FCSK: variants seen among roughly 807,000 people sequenced by gnomAD.
FCSK encodes the protein L-fucose kinase.
FCSK carries 123 observed loss-of-function variants against 122.5 expected under a neutral mutation model. The observed-to-expected ratio is 1.00, with a 90% confidence interval of 0.87 to 1.17. The LOEUF is 1.17. Among genes scored for constraint, FCSK ranks in the 50% most tolerant of loss-of-function variants. The probability of loss-of-function intolerance (pLI) is 0.00; values close to 1 mark genes in which losing one functional copy is unlikely to be tolerated. For synonymous variants in FCSK, 620 were observed against 625.5 expected, an observed-to-expected ratio of 0.99 and a Z score of 0.13; for missense variants, 1,366 against 1,450.4, an observed-to-expected ratio of 0.94 and a Z score of 0.95.
At chr16:70,454,771 C>T (rs533000917) in intron 1 of FCSK, 141 bp downstream of exon 1, 2 of 152,288 alleles carry the variant, frequency 1.3e-5, no homozygotes, top group African/African-American at 2.4e-5. Flanking sequence ...AGGGAAGAGT[C>T]CCCGGGAGCT....
Position 70,479,261 on chromosome 16 carries a change from CTG to C in FCSK, c.3014_3015del (p.Val1005AlafsTer57). The stretch of plus-strand genomic sequence containing the variant: ...ATGGCTCCAGGCTGTGAGCCCCTGA[CTG>C]TGCGGCGTATGATGGATGTCCTGGC... On this transcript the variant is annotated frameshift_variant, in exon 23 of 24. Transcript: ENST00000288078. LOFTEE classifies it high-confidence loss of function. 6.2e-7 allele frequency: 1 copy of C among 1,613,974 alleles called. No homozygotes were observed.
At position 70,479,924 on chromosome 16, in the gene FCSK, C is replaced by A; in HGVS notation, c.*244C>A. On this transcript the variant is annotated 3_prime_UTR_variant, in exon 24 of 24. Transcript: ENST00000288078. ...ATAGGAAGGTCCCAAGCTTAGTATC[C>A]CACGTGGCCTTTACAAATCCTATGG... The A allele has an allele frequency of 2.5e-6, 1 of 402,032 alleles. No individual in the cohort carries two copies. Among genetic ancestry groups the A allele is most frequent in the Non-Finnish European group, 4.5e-6 (1 of 222,270 alleles). 24.9% of individuals were successfully genotyped at this position (402,032 alleles called of 1,614,324 possible). A position where few individuals can be genotyped will look rare whatever the true frequency, so the allele number is the denominator to read the frequency against.
intron 10 of FCSK, 44 bp from the exon 11 acceptor site, chr16:70,470,270 T>A (rs1462916931): frequency 7.3e-7 from 1 of 1,366,068 alleles, no homozygotes; most frequent in East Asian, 2.3e-5. Flanking sequence ...GGCCCCTGAG[T>A]CGCAGCAGGC....
At chr16:70,464,947 C>G (rs1003035447) in intron 3 of FCSK, 179 bp from the exon 4 acceptor site, 2 of 1,391,590 alleles carry the variant, frequency 1.4e-6, no homozygotes, top group East Asian at 2.5e-5. Flanking sequence ...CCTGGGATCC[C>G]TTATCCAGGA....
chr16:70,478,851 A>G (rs1384150436), intron 22 of FCSK: 1 of 702,014 alleles, frequency 1.4e-6, no homozygotes, highest in East Asian at 2.7e-5. Flanking sequence ...ATCATGGGAA[A>G]GGCCCTCCAG....
At chr16:70,471,473 A>T in intron 13 of FCSK, 121 bp downstream of exon 13, 2 of 1,038,682 alleles carry the variant, frequency 1.9e-6, no homozygotes, top group South Asian at 1.6e-5. Context: ...GGCTGTGAGG[A>T]GGGTCGGATG....
At position 70,473,383 on chromosome 16, in the gene FCSK, A is replaced by G. The variant is rs919151083; in HGVS notation, c.1777+30A>G. The G allele has an allele frequency of 6.8e-7, 1 of 1,466,132 alleles. No individual in the cohort carries two copies. The highest frequency in any genetic ancestry group is 2.5e-5 in the East Asian group (1 of 39,598). The allele number at this position is 1,466,132 out of a possible 1,614,324, so 90.8% of individuals were successfully genotyped here. ...GTGTGCAGGCTGGTAGTGCTGCAGA[A>G]TCAGGCCAGGGGCACCTGCCCTCCC... On this transcript the variant is annotated intron_variant, in intron 15 of 23. Transcript: ENST00000288078. The surrounding 1 kb of genome is among the most constrained non-coding windows in gnomAD (Gnocchi z 4.9).
At position 70,469,243 on chromosome 16, in the gene FCSK, G is replaced by A. The variant is rs1271330141; in HGVS notation, c.875G>A (p.Gly292Asp). The change falls in exon 10 of 24, where the codon GGC (glycine) becomes GAC (aspartate). Residue 292 changes from glycine (G) to aspartate (D), a missense_variant. Gly to Asp is a moderately conservative substitution (Grantham distance 94). Transcript: ENST00000288078. ...LVGRPPELGQ[G>D]DADVAGYLQS... is the part of the protein sequence containing the mutation. Reference sequence around the variant, plus strand: ...GGGAGGCCCCCAGAGTTGGGGCAAGGCGATGCAGATGTAGCGGGTTATCTG... The same window carrying A: ...GGGAGGCCCCCAGAGTTGGGGCAAGACGATGCAGATGTAGCGGGTTATCTG... 6.2e-7 allele frequency: 1 copy of A among 1,613,982 alleles called. No individual in the cohort carries two copies. Among genetic ancestry groups the A allele is most frequent in the Non-Finnish European group, 8.5e-7 (1 of 1,180,028 alleles).
rs763316882 is a variant in FCSK, at chr16:70,474,183, C to T, written c.1832C>T (p.Ala611Val). Residue 611 changes from alanine (A) to valine (V), a missense_variant, in exon 16 of 24, where the codon GCG becomes GTG. By Grantham distance (64) the Ala-to-Val change is moderately conservative. Transcript: ENST00000288078. ...GCGGCACGGGCACTGGCCTGTGTGG[C>T]GGACGTCCTGGGCTGCATGGCAGAG... Reference protein sequence around the residue: ...GVAARALACVADVLGCMAEGR... With the variant: ...GVAARALACVVDVLGCMAEGR... 84 of 1,564,240 alleles carry T rather than the reference C, an allele frequency of 5.4e-5. No homozygotes were observed. The highest frequency in any genetic ancestry group is 4.2e-4 in the South Asian group (36 of 85,564).
At chr16:70,459,198 G>A (rs2048184905) in intron 1 of FCSK, among the ~76,000 whole-genome samples, 1 of 150,416 alleles carries the variant, frequency 6.6e-6, no homozygotes, top group Admixed American at 6.6e-5. Context: ...ACTCCAGTCT[G>A]GGTGACAGAT....
chr16:70,468,471 GA>G (rs1567700820), intron 8 of FCSK, among the ~76,000 whole-genome samples: 1 of 152,046 alleles, frequency 6.6e-6, no homozygotes, highest in Non-Finnish European at 1.5e-5. Context: ...AAACTCAAAC[GA>G]AAAAAGAAAG....
chr16:70,470,048 T>C (rs1023442934), intron 10 of FCSK, among the ~76,000 whole-genome samples: 3 of 151,894 alleles, frequency 2.0e-5, no homozygotes, highest in African/African-American at 7.3e-5. Context: ...TTTCACCATG[T>C]TGGTCAGGCT....
At chr16:70,456,887 G>T (rs2048107524) in intron 1 of FCSK, among the ~76,000 whole-genome samples, 1 of 152,104 alleles carries the variant, frequency 6.6e-6, no homozygotes, top group Non-Finnish European at 1.5e-5. Context: ...AGGCATGGTG[G>T]TGCGCGCCTG....
rs773568960 is a variant in FCSK at position 70,466,256 on chromosome 16, G to A, written c.410G>A (p.Arg137Gln). The A allele has an allele frequency of 9.3e-6, 15 of 1,613,806 alleles. No homozygotes were observed. The highest frequency in any genetic ancestry group is 1.6e-4 in the Middle Eastern group (1 of 6,062). Residue 137 changes from arginine (R) to glutamine (Q), a missense_variant and splice_region_variant, in exon 5 of 24, where the codon CGG becomes CAG. Physicochemically the swap from Arg to Gln is conservative, Grantham distance 43. Coordinates refer to ENST00000288078, the MANE Select transcript of FCSK (RefSeq NM_145059.3). ...LDCLLDIMTY[R>Q]LGPGSPPGVW... ...TGCCTGCTGGACATCATGACCTATC[G>A]GGTGAGGCTGGGTGGTGGCCCGTGG...
chr16:70,471,198 G>A lies in FCSK; in HGVS notation c.1187G>A (p.Gly396Asp), dbSNP rs1396121180. Reference sequence around the variant, plus strand: ...CCCCACCAGGGCCCCATTCACATAGGCGCTGGCTGCTTGGTGACTGGCCTG... The same window carrying A: ...CCCCACCAGGGCCCCATTCACATAGACGCTGGCTGCTTGGTGACTGGCCTG... ...HCHLQGPIHI[G>D]AGCLVTGLDT... The change falls in exon 13 of 24, where the codon GGC becomes GAC. Residue 396 changes from glycine (G) to aspartate (D), a missense_variant. Transcript: ENST00000288078. 1.9e-6 allele frequency: 3 copies of A among 1,606,176 alleles called. No homozygotes were observed. Among genetic ancestry groups the A allele is most frequent in the Admixed American group, 1.7e-5 (1 of 59,780 alleles).
chr16:70,473,986 G>T lies in FCSK; in HGVS notation c.1778-143G>T. ...CTGCCAGGCAGAGAGCAGGAGTGCAGTTACAGTCAAAGATACATTGTGGGC... is the reference window on the plus strand; with the variant it reads ...CTGCCAGGCAGAGAGCAGGAGTGCATTTACAGTCAAAGATACATTGTGGGC... On this transcript the variant is annotated intron_variant, in intron 15 of 23. Transcript: ENST00000288078. The surrounding 1 kb of genome is among the most constrained non-coding windows in gnomAD (Gnocchi z 4.9). 2.7e-6 allele frequency: 2 copies of T among 741,336 alleles called. No individual in the cohort carries two copies. The highest frequency in any genetic ancestry group is 3.2e-5 in the South Asian group (2 of 62,796). 45.9% of individuals were successfully genotyped at this position (741,336 alleles called of 1,614,324 possible). A position where few individuals can be genotyped will look rare whatever the true frequency, so the allele number is the denominator to read the frequency against.
intron 4 of FCSK, among the ~76,000 whole-genome samples, chr16:70,465,907 C>T (rs1313999618): frequency 2.6e-5 from 4 of 152,144 alleles, no homozygotes; most frequent in Non-Finnish European, 4.4e-5. Flanking sequence ...GAGCCAAGAT[C>T]GCACTACTGC....
At chr16:70,460,076 G>C (rs928017301) in intron 1 of FCSK, among the ~76,000 whole-genome samples, 2 of 150,114 alleles carry the variant, frequency 1.3e-5, no homozygotes, top group Non-Finnish European at 2.9e-5. Flanking sequence ...TCGGATTATA[G>C]GCGTGAGCCG....
intron 8 of FCSK, among the ~76,000 whole-genome samples, chr16:70,468,559 T>C (rs1317879593): frequency 1.3e-5 from 2 of 151,988 alleles, no homozygotes; most frequent in African/African-American, 4.8e-5. Flanking sequence ...AATGCTTCCA[T>C]CATGAGGGGC....
Sources: gnomAD v4.1 joint callset for allele counts (sites outside exome capture counted in the v4.1 genomes callset) on GRCh38, gnomAD v4.1.1 for gene constraint, Gnocchi (gnomAD v3.1) non-coding constraint, MANE v1.5 for transcripts, NCBI Gene and HGNC (gene_info 2026-07-23, HGNC 2026-07-21) for gene names.